NXPE2: variants seen among roughly 807,000 people sequenced by gnomAD.
NXPE2 encodes neurexophilin and PC-esterase domain family member 2.
NXPE2 carries 34 observed loss-of-function variants against 34.4 expected under a neutral mutation model. That is an observed-to-expected ratio of 0.99 (90% CI 0.75 to 1.31). NXPE2 has a LOEUF of 1.31. Among genes scored for constraint, NXPE2 ranks in the 40% most tolerant of loss-of-function variants. The pLI is 0.00. For missense variants in NXPE2, 649 were observed against 672.5 expected, an observed-to-expected ratio of 0.97 and a Z score of 0.39; for synonymous variants, 235 against 231.3, an observed-to-expected ratio of 1.02 and a Z score of -0.15.
the NXPE2 span, chr11:114,529,009 A>G: frequency 2.4e-6 from 1 of 410,376 alleles, no homozygotes; most frequent in Non-Finnish European, 4.3e-6. Flanking sequence ...TCAGGAGCCA[A>G]AACTTGGATA....
chr11:114,633,058 T>G, the NXPE2 span, among the ~76,000 whole-genome samples: 1 of 116,102 alleles, frequency 8.6e-6, no homozygotes, highest in East Asian at 2.4e-4. Flanking sequence ...CATTATTATT[T>G]TATATTTTGT....
chr11:114,583,248 G>A, the NXPE2 span: 1 of 667,930 alleles, frequency 1.5e-6, no homozygotes, highest in Non-Finnish European at 2.7e-6. Flanking sequence ...CAGGAAGTGA[G>A]CAAGATGGCG....
the NXPE2 span, among the ~76,000 whole-genome samples, chr11:114,486,486 A>G: frequency 6.6e-6 from 1 of 152,116 alleles, no homozygotes; most frequent in Non-Finnish European, 1.5e-5. Context: ...TTTGCTGTAC[A>G]GAGGCTTTAT....
At chr11:114,504,151 C>G in the NXPE2 span, among the ~76,000 whole-genome samples, 1 of 152,194 alleles carries the variant, frequency 6.6e-6, no homozygotes, top group Non-Finnish European at 1.5e-5. Flanking sequence ...GTGGGTTTTG[C>G]TTCATTTGCC....
chr11:114,589,615 T>C, the NXPE2 span, among the ~76,000 whole-genome samples: 1 of 152,168 alleles, frequency 6.6e-6, no homozygotes, highest in South Asian at 2.1e-4. Flanking sequence ...CTTTTTCTCC[T>C]CTAGTGGAAG....
At chr11:114,784,097 TCAAA>T in the NXPE2 span, among the ~76,000 whole-genome samples, 5 of 152,136 alleles carry the variant, frequency 3.3e-5, no homozygotes, top group African/African-American at 1.2e-4. Context: ...GGGCCAAGGT[TCAAA>T]CAGATTGGCT....
chr11:114,757,606 G>T, the NXPE2 span, among the ~76,000 whole-genome samples: 1 of 152,192 alleles, frequency 6.6e-6, no homozygotes, highest in African/African-American at 2.4e-5. Context: ...GGCCAGCCTT[G>T]TTCTATAGCA....
the NXPE2 span, among the ~76,000 whole-genome samples, chr11:114,623,956 TA>T: frequency 1.7e-4 from 26 of 152,130 alleles, 3 homozygotes; most frequent in Admixed American, 1.7e-3. Flanking sequence ...TAACCACTGT[TA>T]TCCAGTGGAT....
chr11:114,548,745 TAGAAAAA>T, the NXPE2 span, among the ~76,000 whole-genome samples: 13 of 151,068 alleles, frequency 8.6e-5, no homozygotes. Context: ...GTTAAAAAGT[TAGAAAAA>T]GGAAAACAGA....
At chr11:114,609,548 T>C in the NXPE2 span, among the ~76,000 whole-genome samples, 2 of 151,826 alleles carry the variant, frequency 1.3e-5, no homozygotes, top group African/African-American at 2.4e-5. Context: ...ACCCAATGGA[T>C]AATGAGTATT....
the NXPE2 span, among the ~76,000 whole-genome samples, chr11:114,602,512 A>G: frequency 1.5e-5 from 2 of 137,916 alleles, no homozygotes. Flanking sequence ...TGTAAATTAT[A>G]GATTATACCA....
At chr11:114,759,123 T>TTC in the NXPE2 span, among the ~76,000 whole-genome samples, 3 of 151,672 alleles carry the variant, frequency 2.0e-5, no homozygotes, top group Non-Finnish European at 2.9e-5. Context: ...CTCTGTCTCT[T>TTC]TCTCTCTCTC....
the NXPE2 span, among the ~76,000 whole-genome samples, chr11:114,537,192 T>G: frequency 2.6e-5 from 4 of 152,170 alleles, no homozygotes; most frequent in Non-Finnish European, 4.4e-5. Flanking sequence ...GATGATTATC[T>G]CAATAGATGC....
At chr11:114,791,801 A>G in the NXPE2 span, among the ~76,000 whole-genome samples, 1 of 152,330 alleles carries the variant, frequency 6.6e-6, no homozygotes, top group South Asian at 2.1e-4. Flanking sequence ...TCACGCCTGT[A>G]ATCCCAGCAC....
the NXPE2 span, chr11:114,530,337 A>C: frequency 6.2e-7 from 1 of 1,614,216 alleles, no homozygotes; most frequent in Middle Eastern, 1.6e-4. Context: ...ATTTGAGTTT[A>C]GGGTCAGGCC....
At chr11:114,580,065 T>C in the NXPE2 span, 22 of 1,326,100 alleles carry the variant, frequency 1.7e-5, no homozygotes, top group African/African-American at 3.0e-4. Flanking sequence ...CATATTCCCT[T>C]CTCCCCTTTG....
chr11:114,763,347 GT>G, the NXPE2 span, among the ~76,000 whole-genome samples: 23 of 151,922 alleles, frequency 1.5e-4, 1 homozygote, highest in Admixed American at 1.5e-3. Context: ...GGAGTATTTG[GT>G]TAGAGGATAA....
the NXPE2 span, among the ~76,000 whole-genome samples, chr11:114,651,384 G>A: frequency 6.6e-6 from 1 of 152,110 alleles, no homozygotes; most frequent in Non-Finnish European, 1.5e-5. Flanking sequence ...TCGTGGTCTC[G>A]TGGTCTCGCT....
chr11:114,604,168 G>A, the NXPE2 span, among the ~76,000 whole-genome samples: 8 of 152,040 alleles, frequency 5.3e-5, no homozygotes, highest in East Asian at 7.8e-4. Context: ...GTATTGCCTC[G>A]CAGTTAACTA....
Sources: allele counts gnomAD v4.1 joint callset (sites outside exome capture counted in the v4.1 genomes callset), GRCh38; gene constraint gnomAD v4.1.1; transcripts MANE v1.5; gene names NCBI Gene and HGNC (gene_info 2026-07-23, HGNC 2026-07-21).